Variants in ZNF850 observed in about 807,000 individuals in gnomAD.
ZNF850 encodes putative zinc finger protein ENSP00000330994.
ZNF850 carries 2 observed loss-of-function variants against 11.9 expected under a neutral mutation model. That is an observed-to-expected ratio of 0.17 (90% CI 0.07 to 0.53). The LOEUF (loss-of-function observed/expected upper bound fraction) is 0.53, where lower values mean the gene tolerates loss of function less well. Among genes scored for constraint, ZNF850 ranks in the 20% least tolerant of loss-of-function variants. The probability of loss-of-function intolerance (pLI) is 0.94; values close to 1 mark genes in which losing one functional copy is unlikely to be tolerated. For missense variants in ZNF850, 1,014 were observed against 1,316.4 expected (o/e 0.77, Z 3.55); for synonymous variants, 381 against 443.0 (o/e 0.86, Z 1.76).
Position 36,748,068 on chromosome 19 carries a change from G to A in ZNF850, c.2972C>T (p.Thr991Ile). ...YECKECGKSF[T>I]CGSELIRHQR... is the part of the protein sequence containing the mutation. ...ATGTCGAATTAGTTCTGAGCCGCAAGTAAAAGATTTCCCACATTCTTTACA... is the reference window on the plus strand; with the variant it reads ...ATGTCGAATTAGTTCTGAGCCGCAAATAAAAGATTTCCCACATTCTTTACA... The change falls in exon 5 of 5, where the codon ACT becomes ATT. Residue 991 changes from threonine (T) to isoleucine (I), a missense_variant. Physicochemically the swap from Thr to Ile is moderately conservative, Grantham distance 89. Transcript: ENST00000591344. 1 of 1,562,742 alleles carries A rather than the reference G, an allele frequency of 6.4e-7. No individual in the cohort carries two copies. Among genetic ancestry groups the A allele is most frequent in the South Asian group, 1.2e-5 (1 of 85,666 alleles).
chr19:36,761,745 A>G lies in ZNF850; in HGVS notation c.140-7T>C, dbSNP rs1424001091. ...GGCTTTGGGATAGAGAGACCTGTTT[A>G]TAAGAAAAGAAGTAAGATAGCCAGG... On this transcript the variant is annotated splice_polypyrimidine_tract_variant and splice_region_variant and intron_variant, in intron 3 of 4. Transcript: ENST00000591344. 1 of 1,497,920 alleles carries G rather than the reference A, an allele frequency of 6.7e-7. No homozygotes were observed. Among genetic ancestry groups the G allele is most frequent in the East Asian group, 2.4e-5 (1 of 41,414 alleles). 92.8% of individuals were successfully genotyped at this position (1,497,920 alleles called of 1,614,324 possible).
At chr19:36,761,335 A>T (rs2145964801) in intron 4 of ZNF850, among the ~76,000 whole-genome samples, 1 of 151,974 alleles carries the variant, frequency 6.6e-6, no homozygotes, top group Admixed American at 6.6e-5. Flanking sequence ...AGTTCCTTCA[A>T]AGGCTGAGGC....
intron 1 of ZNF850, among the ~76,000 whole-genome samples, chr19:36,764,955 G>A (rs2040540966): frequency 1.3e-5 from 2 of 151,986 alleles, no homozygotes; most frequent in African/African-American, 4.8e-5. Context: ...CAAAGTACTG[G>A]GATTACAGGC....
intron 4 of ZNF850, among the ~76,000 whole-genome samples, chr19:36,756,033 G>A (rs1193393219): frequency 1.3e-5 from 2 of 150,136 alleles, no homozygotes; most frequent in Non-Finnish European, 3.0e-5. Context: ...AACATCCCTA[G>A]TAGCTGGGAT....
chr19:36,753,400 G>A (rs2040465512), intron 4 of ZNF850, among the ~76,000 whole-genome samples: 1 of 125,300 alleles, frequency 8.0e-6, no homozygotes, highest in Admixed American at 9.8e-5. Flanking sequence ...ACCAGCCTGG[G>A]CAACAGCCTG....
intron 1 of ZNF850, among the ~76,000 whole-genome samples, chr19:36,763,321 A>T (rs1217321923): frequency 4.6e-5 from 7 of 151,586 alleles, no homozygotes; most frequent in Non-Finnish European, 5.9e-5. Flanking sequence ...CGGATGGATC[A>T]CCTGAGGTCG....
At chr19:36,771,870 C>T (rs1490789094) in intron 1 of ZNF850, among the ~76,000 whole-genome samples, 1 of 152,200 alleles carries the variant, frequency 6.6e-6, no homozygotes. Flanking sequence ...CAAGAAACAT[C>T]CTTATCAACT....
At chr19:36,754,047 T>C (rs1285630381) in intron 4 of ZNF850, among the ~76,000 whole-genome samples, 2 of 151,828 alleles carry the variant, frequency 1.3e-5, no homozygotes, top group Non-Finnish European at 2.9e-5. Context: ...ATTGTGCCTG[T>C]ATTTTCAGCT....
intron 1 of ZNF850, among the ~76,000 whole-genome samples, chr19:36,766,728 C>T (rs544683598): frequency 4.6e-5 from 7 of 152,210 alleles, no homozygotes; most frequent in East Asian, 3.9e-4. Flanking sequence ...TATTTCTAAA[C>T]GCTAATCTAT....
chr19:36,750,318 A>G lies in ZNF850; in HGVS notation c.722T>C (p.Ile241Thr). Residue 241 changes from isoleucine (I) to threonine (T), a missense_variant, in exon 5 of 5, where the codon ATT becomes ACT. Physicochemically the swap from Ile to Thr is moderately conservative, Grantham distance 89. Coordinates refer to ENST00000591344, the MANE Select transcript of ZNF850 (RefSeq NM_001193552.2). ...GKAFISGSHL[I>T]QHQKMYTDER... ...ATCTGTATACATTTTCTGGTGTTGA[A>G]TAAGATGTGAGCCAGAAATAAAAGC... The G allele has an allele frequency of 1.3e-6, 2 of 1,536,584 alleles. No homozygotes were observed. Among genetic ancestry groups the G allele is most frequent in the Non-Finnish European group, 1.7e-6 (2 of 1,146,910 alleles).
chr19:36,748,646 T>C lies in ZNF850; in HGVS notation c.2394A>G (p.Ser798=), dbSNP rs2040429249. 2.0e-6 allele frequency: 3 copies of C among 1,537,204 alleles called. No homozygotes were observed. The highest frequency in any genetic ancestry group is 2.0e-5 in the Admixed American group (1 of 50,976). Residue 798 remains serine, a synonymous_variant, in exon 5 of 5, where the codon TCA becomes TCG. Transcript: ENST00000591344. The part of the protein sequence containing the change: ...KECGKSFTSH[S]TLIQHQPLHT... ...GAAGTGGCTGATGTTGAATTAGTGT[T>C]GAATGAGAAGTAAAAGATTTCCCAC...
intron 4 of ZNF850, among the ~76,000 whole-genome samples, chr19:36,760,023 C>T (rs1480453895): frequency 6.6e-6 from 1 of 152,154 alleles, no homozygotes; most frequent in Non-Finnish European, 1.5e-5. Flanking sequence ...TTTCAGTGTA[C>T]CTTTTCCTCC....
rs1015683204 is a variant in ZNF850 at position 36,750,161 on chromosome 19, G to A, written c.879C>T (p.Gly293=). The part of the protein sequence containing the change: ...CKECGKSFTS[G]STLNQHQQIH... Reference sequence around the variant, plus strand: ...TTTGCTGATGTTGATTTAGTGTTGAGCCAGAAGTAAAAGATTTCCCACATT... The same window carrying A: ...TTTGCTGATGTTGATTTAGTGTTGAACCAGAAGTAAAAGATTTCCCACATT... Residue 293 remains glycine (G), a synonymous_variant, in exon 5 of 5, where the codon GGC becomes GGT. Coordinates refer to ENST00000591344, the MANE Select transcript of ZNF850 (RefSeq NM_001193552.2). 6 of 1,538,902 alleles carry A rather than the reference G, an allele frequency of 3.9e-6. No homozygotes were observed. Among genetic ancestry groups the A allele is most frequent in the Middle Eastern group, 1.7e-4 (1 of 5,992 alleles).
At chr19:36,751,801 A>G (rs915281194) in intron 4 of ZNF850, among the ~76,000 whole-genome samples, 2 of 151,890 alleles carry the variant, frequency 1.3e-5, no homozygotes, top group Non-Finnish European at 2.9e-5. Flanking sequence ...GTAAATAATA[A>G]TAACAACATT....
chr19:36,767,066 G>A (rs2040553302), intron 1 of ZNF850, among the ~76,000 whole-genome samples: 1 of 151,990 alleles, frequency 6.6e-6, no homozygotes. Context: ...GTGAAACCCT[G>A]TCTCAAATTA....
chr19:36,771,953 G>GC (rs2040587258), intron 1 of ZNF850, among the ~76,000 whole-genome samples: 1 of 152,166 alleles, frequency 6.6e-6, no homozygotes, highest in African/African-American at 2.4e-5. Flanking sequence ...CCTGGAAGCG[G>GC]CAGTGGGCTC....
chr19:36,749,430 T>C lies in ZNF850; in HGVS notation c.1610A>G (p.Glu537Gly), dbSNP rs747916114. 9 of 1,550,108 alleles carry C rather than the reference T, an allele frequency of 5.8e-6. No individual in the cohort carries two copies. The highest frequency in any genetic ancestry group is 7.8e-6 in the Non-Finnish European group (9 of 1,152,508). ...GCGAAAAGTAAAAGATTTTCCACAT[T>C]CCTTACAATGATAGGGTTTCTCACC... ...HTGEKPYHCK[E>G]CGKSFTFRSG... The change falls in exon 5 of 5, where the codon GAA (glutamate) becomes GGA (glycine). Residue 537 changes from glutamate (E) to glycine (G), a missense_variant. This residue lies in a region of ZNF850 where 835 missense variants were observed against 1,022.0 expected (regional missense o/e 0.82). Transcript: ENST00000591344.
intron 4 of ZNF850, among the ~76,000 whole-genome samples, chr19:36,751,065 T>TAAAAAAAAA (rs34721047): frequency 1.1e-5 from 1 of 89,434 alleles, no homozygotes. Flanking sequence ...GACCCTGTCT[T>TAAAAAAAAA]AAAAAAAAAA....
intron 1 of ZNF850, among the ~76,000 whole-genome samples, chr19:36,770,703 C>CAAAAAAAAAAAAAAAA (rs567709722): frequency 1.7e-4 from 11 of 66,610 alleles, no homozygotes; most frequent in East Asian, 6.3e-4. Flanking sequence ...GAGACTCCAT[C>CAAAAAAAAAAAAAAAA]AAAAAAAAAA....
Sources: allele counts gnomAD v4.1 joint callset (sites outside exome capture counted in the v4.1 genomes callset), GRCh38; gene constraint gnomAD v4.1.1; regional missense constraint gnomAD v4.1.1; transcripts MANE v1.5; gene names NCBI Gene and HGNC (gene_info 2026-07-23, HGNC 2026-07-21).